Variants in KCNH5 observed in about 807,000 individuals in gnomAD.
The protein encoded by KCNH5 is voltage-gated delayed rectifier potassium channel KCNH5.
KCNH5 carries 46 observed loss-of-function variants against 96.1 expected under a neutral mutation model. The observed-to-expected ratio is 0.48, with a 90% CI of 0.38 to 0.61. KCNH5 has a LOEUF of 0.61. Among genes scored for constraint, KCNH5 ranks in the 20% least tolerant of loss-of-function variants. KCNH5 has a pLI of 0.00. For missense variants in KCNH5, 907 were observed against 1,225.8 expected, an observed-to-expected ratio of 0.74 and a Z score of 3.88; for synonymous variants, 439 against 449.8, an observed-to-expected ratio of 0.98 and a Z score of 0.30.
At chr14:62,830,198 G>T (rs953812523) in intron 8 of KCNH5, among the ~76,000 whole-genome samples, 2 of 152,086 alleles carry the variant, frequency 1.3e-5, no homozygotes, top group East Asian at 3.9e-4. Flanking sequence ...TTAGCATTTT[G>T]GTCAAAACCA....
At chr14:63,015,199 C>G (rs1252912201) in intron 2 of KCNH5, among the ~76,000 whole-genome samples, 1 of 152,030 alleles carries the variant, frequency 6.6e-6, no homozygotes, top group African/African-American at 2.4e-5. Flanking sequence ...TGGATAGGCA[C>G]CAGAATCATC....
chr14:62,753,898 G>C (rs1885559934), intron 10 of KCNH5, among the ~76,000 whole-genome samples: 2 of 152,208 alleles, frequency 1.3e-5, no homozygotes, highest in African/African-American at 4.8e-5. Context: ...GAAATCATCT[G>C]AAGGTACAAA....
At chr14:62,807,397 C>T (rs934988228) in intron 8 of KCNH5, among the ~76,000 whole-genome samples, 1 of 151,990 alleles carries the variant, frequency 6.6e-6, no homozygotes, top group Non-Finnish European at 1.5e-5. Flanking sequence ...AAAATAAGCA[C>T]TTCAATATTC....
Position 62,993,070 on chromosome 14 carries a change from T to C in KCNH5, c.434-5883A>G, listed in dbSNP as rs112398556. Among the ~76,000 whole-genome samples the C allele has an allele frequency of 1.7e-3, 258 of 152,098 alleles. 4 individuals are homozygous for C. Among genetic ancestry groups the C allele is most frequent in the South Asian group, 5.2e-3 (25 of 4,822 alleles). ...TCCCAGCACCAGTTATTGAAAAAGG[T>C]CTCCTTTCCCCAATATATGTTCTTA... On this transcript the variant is annotated intron_variant, in intron 4 of 10. Coordinates refer to ENST00000322893, the MANE Select transcript of KCNH5 (RefSeq NM_139318.5).
intron 7 of KCNH5, among the ~76,000 whole-genome samples, chr14:62,904,277 G>T (rs1316045150): frequency 2.6e-5 from 4 of 152,074 alleles, no homozygotes; most frequent in African/African-American, 9.7e-5. Context: ...TCCTTCGCTG[G>T]CATAAACTTA....
At position 63,006,577 on chromosome 14, in the gene KCNH5, T is replaced by C. The variant is rs1594671976; in HGVS notation, c.198-105A>G. On this transcript the variant is annotated intron_variant, in intron 2 of 10. Transcript: ENST00000322893. ...TGACTAGTCAAATGTGGCTAGAAAA[T>C]ATAATATTGCTCCTACACAGAATAG... The C allele has an allele frequency of 1.3e-5, 9 of 670,090 alleles. No individual in the cohort carries two copies. The Admixed American group carries it at 1.8e-4, about 13-fold the overall frequency. 41.5% of individuals were successfully genotyped at this position (670,090 alleles called of 1,614,324 possible).
chr14:62,897,851 G>C (rs891294799), intron 7 of KCNH5, among the ~76,000 whole-genome samples: 1 of 152,120 alleles, frequency 6.6e-6, no homozygotes, highest in African/African-American at 2.4e-5. Flanking sequence ...AACAAATTGA[G>C]GGGGAGGGGT....
rs185903188 is a variant in KCNH5 at position 62,965,682 on chromosome 14, T to C, written c.943-15123A>G. Among the ~76,000 whole-genome samples the C allele has an allele frequency of 2.5e-3, 375 of 152,260 alleles. 3 individuals are homozygous for C. Among genetic ancestry groups the C allele is most frequent in the African/African-American group, 7.8e-3 (325 of 41,542 alleles). On this transcript the variant is annotated intron_variant, in intron 6 of 10. Coordinates refer to ENST00000322893, the MANE Select transcript of KCNH5 (RefSeq NM_139318.5). ...ACCACACCTCAGAAGTCAAACCAAA[T>C]ACACAGTCATTCATAACACTAAAGA...
intron 10 of KCNH5, among the ~76,000 whole-genome samples, chr14:62,709,544 G>A (rs1884525692): frequency 2.6e-5 from 4 of 152,136 alleles, no homozygotes; most frequent in Admixed American, 2.6e-4. Context: ...TTTTCCATAT[G>A]ACATGTTCAC....
intron 6 of KCNH5, among the ~76,000 whole-genome samples, chr14:62,975,438 G>GT (rs1890482476): frequency 6.6e-6 from 1 of 151,890 alleles, no homozygotes; most frequent in Admixed American, 6.6e-5. Flanking sequence ...GCCGATAAAC[G>GT]TGTGGATAAA....
chr14:62,974,891 TCTTCA>T (rs1200968699), intron 6 of KCNH5, among the ~76,000 whole-genome samples: 3 of 152,208 alleles, frequency 2.0e-5, no homozygotes, highest in Non-Finnish European at 4.4e-5. Flanking sequence ...GAAGACACAT[TCTTCA>T]CCATCACAGG....
chr14:62,872,546 A>G (rs1198936005), intron 7 of KCNH5, among the ~76,000 whole-genome samples: 1 of 152,104 alleles, frequency 6.6e-6, no homozygotes, highest in Non-Finnish European at 1.5e-5. Context: ...AAAAAAAATT[A>G]GCTGGGCGTG....
At chr14:62,905,686 T>A (rs761766265) in intron 7 of KCNH5, among the ~76,000 whole-genome samples, 12 of 152,204 alleles carry the variant, frequency 7.9e-5, no homozygotes, top group Admixed American at 2.0e-4. Flanking sequence ...GAACCAGTTG[T>A]CAGTGGAGAA....
At chr14:62,861,676 G>A (rs780783548) in intron 7 of KCNH5, among the ~76,000 whole-genome samples, 1 of 107,162 alleles carries the variant, frequency 9.3e-6, no homozygotes, top group South Asian at 3.8e-4. Flanking sequence ...ACACACACAC[G>A]GTATAATTAT....
At position 62,968,677 on chromosome 14, in the gene KCNH5, ATG is replaced by A. The variant is rs1395079691; in HGVS notation, c.942+12193_942+12194del. Among the ~76,000 whole-genome samples, 3 of 152,300 alleles carry A rather than the reference ATG, an allele frequency of 2.0e-5. No homozygotes were observed. The South Asian group carries it at 6.2e-4, about 32-fold the overall frequency. On this transcript the variant is annotated intron_variant, in intron 6 of 10. Transcript: ENST00000322893. ...ATCTTTCCCATTATTAACAAAAAGC[ATG>A]TATAGTTAGGAAATGTGGTATGCCT... is the stretch of plus-strand genomic sequence containing the variant.
At chr14:62,788,027 C>T (rs901076382) in intron 9 of KCNH5, among the ~76,000 whole-genome samples, 2 of 152,100 alleles carry the variant, frequency 1.3e-5, no homozygotes, top group Admixed American at 6.6e-5. Context: ...TCTTATTATT[C>T]AAGAAATATA....
intron 9 of KCNH5, among the ~76,000 whole-genome samples, chr14:62,784,398 A>C (rs930011637): frequency 1.3e-4 from 20 of 152,206 alleles, no homozygotes; most frequent in African/African-American, 4.3e-4. Context: ...TAAATTTATC[A>C]ATTGATATAA....
chr14:63,027,539 G>T (rs368335598), intron 1 of KCNH5, among the ~76,000 whole-genome samples: 7 of 150,296 alleles, frequency 4.7e-5, no homozygotes, highest in African/African-American at 1.5e-4. Flanking sequence ...AAATACTTTA[G>T]GGTATACTAT....
intron 7 of KCNH5, among the ~76,000 whole-genome samples, chr14:62,876,280 T>C (rs1054590714): frequency 6.6e-6 from 1 of 152,216 alleles, no homozygotes; most frequent in Admixed American, 6.5e-5. Flanking sequence ...ACTTAAGATG[T>C]TACCCTAAGA....
Sources: allele counts gnomAD v4.1 joint callset (sites outside exome capture counted in the v4.1 genomes callset), GRCh38; gene constraint gnomAD v4.1.1; transcripts MANE v1.5; gene names NCBI Gene and HGNC (gene_info 2026-07-23, HGNC 2026-07-21).